The following OXR1 variants were observed in gnomAD, a reference collection of about 807,000 sequenced individuals.
The protein encoded by OXR1 is oxidation resistance protein 1.
In OXR1, 41 loss-of-function variants were observed where a neutral mutation model predicts 104.6. The ratio of observed to expected loss-of-function variants is 0.39; its 90% CI spans 0.31 to 0.51. The LOEUF (loss-of-function observed/expected upper bound fraction) is 0.51, where lower values mean the gene tolerates loss of function less well. OXR1 is among the 20% of genes least tolerant of loss of function. The pLI, the probability that OXR1 is intolerant of heterozygous loss-of-function variation, is 0.77. For synonymous variants in OXR1, 348 were observed against 348.4 expected (o/e 1.00, Z 0.01); for missense variants, 955 against 1,031.9 (o/e 0.93, Z 1.02).
chr8:106,518,940 T>C lies in OXR1; in HGVS notation c.24-3T>C, dbSNP rs1363398065. 1 of 1,547,924 alleles carries C rather than the reference T, an allele frequency of 6.5e-7. No individual in the cohort carries two copies. Among genetic ancestry groups the C allele is most frequent in the Non-Finnish European group, 8.7e-7 (1 of 1,144,162 alleles). Reference sequence around the variant, plus strand: ...CATAGCATGTGGTCTTCTTTACTTGTAGGCTGAAGAAAAAGTCCCAGTCGG... The same window carrying C: ...CATAGCATGTGGTCTTCTTTACTTGCAGGCTGAAGAAAAAGTCCCAGTCGG... On this transcript the variant is annotated splice_region_variant and splice_polypyrimidine_tract_variant and intron_variant, in intron 2 of 16. Transcript: ENST00000517566.
At chr8:106,448,983 T>C (rs948219740) in intron 2 of OXR1, among the ~76,000 whole-genome samples, 11 of 152,230 alleles carry the variant, frequency 7.2e-5, no homozygotes, top group African/African-American at 2.6e-4. Flanking sequence ...GGTGGGCAGG[T>C]AAGAAAAACA....
intron 1 of OXR1, chr8:106,272,540 G>C (rs559024565): frequency 6.6e-6 from 1 of 152,358 alleles, no homozygotes; most frequent in African/African-American, 2.4e-5. Context: ...CAAGAACTCT[G>C]TGGAAAACTG....
intron 7 of OXR1, among the ~76,000 whole-genome samples, chr8:106,693,933 A>C (rs1229407474): frequency 6.6e-6 from 1 of 152,148 alleles, no homozygotes; most frequent in African/African-American, 2.4e-5. Flanking sequence ...GAGTATTTGA[A>C]ACACATAATA....
At chr8:106,477,539 A>T (rs565343506) in intron 2 of OXR1, among the ~76,000 whole-genome samples, 6 of 152,110 alleles carry the variant, frequency 3.9e-5, no homozygotes, top group Admixed American at 2.6e-4. Flanking sequence ...TTCAACTTTT[A>T]TAATAGATGG....
At chr8:106,479,367 C>T (rs1368593171) in intron 2 of OXR1, among the ~76,000 whole-genome samples, 1 of 151,970 alleles carries the variant, frequency 6.6e-6, no homozygotes, top group Non-Finnish European at 1.5e-5. Context: ...CATTCAATTC[C>T]CATTAACATA....
intron 3 of OXR1, among the ~76,000 whole-genome samples, chr8:106,523,923 C>T (rs1813449274): frequency 6.6e-6 from 1 of 151,974 alleles, no homozygotes; most frequent in Non-Finnish European, 1.5e-5. Context: ...TACAGGCGCC[C>T]ACCACCATGC....
At chr8:106,404,853 C>T (rs1321996076) in intron 2 of OXR1, among the ~76,000 whole-genome samples, 2 of 151,954 alleles carry the variant, frequency 1.3e-5, no homozygotes, top group Non-Finnish European at 2.9e-5. Flanking sequence ...CTACAGGTTC[C>T]CACCACCACG....
chr8:106,446,324 A>C (rs942690467), intron 2 of OXR1, among the ~76,000 whole-genome samples: 17 of 152,180 alleles, frequency 1.1e-4, no homozygotes, highest in Non-Finnish European at 1.9e-4. Flanking sequence ...TCCACTTAGA[A>C]ATCAAATTTT....
At chr8:106,415,821 A>T (rs890234952) in intron 2 of OXR1, among the ~76,000 whole-genome samples, 3 of 151,994 alleles carry the variant, frequency 2.0e-5, no homozygotes, top group Non-Finnish European at 4.4e-5. Context: ...TTTTCCTTTT[A>T]ACTAGATTGT....
intron 1 of OXR1, chr8:106,273,024 T>G (rs1811880459): frequency 6.6e-6 from 1 of 151,768 alleles, no homozygotes; most frequent in African/African-American, 2.4e-5. Context: ...AGGAAAAGGC[T>G]TCATTATAGA....
intron 2 of OXR1, among the ~76,000 whole-genome samples, chr8:106,396,970 T>C (rs1166389163): frequency 6.6e-6 from 1 of 152,094 alleles, no homozygotes; most frequent in Non-Finnish European, 1.5e-5. Flanking sequence ...CCAAGATATA[T>C]TATTAAGTGC....
At chr8:106,584,310 A>ATT (rs939334382) in intron 3 of OXR1, among the ~76,000 whole-genome samples, 21 of 152,062 alleles carry the variant, frequency 1.4e-4, no homozygotes, top group African/African-American at 4.8e-4. Context: ...AGACTTAAAA[A>ATT]AAGAGAGGGG....
intron 1 of OXR1, among the ~76,000 whole-genome samples, chr8:106,299,908 G>A (rs986750942): frequency 1.3e-5 from 2 of 152,198 alleles, no homozygotes; most frequent in African/African-American, 4.8e-5. Flanking sequence ...CGGACACGTT[G>A]TAGAAAATTT....
At chr8:106,418,694 A>C (rs1395953048) in intron 2 of OXR1, among the ~76,000 whole-genome samples, 2 of 152,174 alleles carry the variant, frequency 1.3e-5, no homozygotes, top group African/African-American at 2.4e-5. Flanking sequence ...ACTGAAAAAA[A>C]ATGAGACTGC....
chr8:106,708,924 C>G (rs1201991508), intron 9 of OXR1, among the ~76,000 whole-genome samples: 2 of 151,856 alleles, frequency 1.3e-5, no homozygotes, highest in South Asian at 4.1e-4. Context: ...TTTAAAATAC[C>G]GAATTTTCTT....
At chr8:106,428,869 T>A (rs1302369254) in intron 2 of OXR1, among the ~76,000 whole-genome samples, 1 of 152,116 alleles carries the variant, frequency 6.6e-6, no homozygotes, top group Non-Finnish European at 1.5e-5. Context: ...TCAGTAAGCA[T>A]CTCATTGTTA....
intron 2 of OXR1, among the ~76,000 whole-genome samples, chr8:106,445,297 A>G (rs915178521): frequency 2.0e-5 from 3 of 152,226 alleles, no homozygotes; most frequent in South Asian, 2.1e-4. Context: ...CTGAATCATT[A>G]TAAAACAAAC....
At chr8:106,540,680 A>C (rs918819315) in intron 3 of OXR1, among the ~76,000 whole-genome samples, 1 of 152,192 alleles carries the variant, frequency 6.6e-6, no homozygotes, top group African/African-American at 2.4e-5. Context: ...AAAGAAGTTT[A>C]ATGGAGAACT....
intron 3 of OXR1, among the ~76,000 whole-genome samples, chr8:106,527,751 T>C (rs2130200585): frequency 6.6e-6 from 1 of 152,390 alleles, no homozygotes; most frequent in Non-Finnish European, 1.5e-5. Flanking sequence ...ATTTAATAAA[T>C]GCTTATAACA....
Sources: allele counts gnomAD v4.1 joint callset (sites outside exome capture counted in the v4.1 genomes callset), GRCh38; gene constraint gnomAD v4.1.1; transcripts MANE v1.5; gene names NCBI Gene and HGNC (gene_info 2026-07-23, HGNC 2026-07-21).